PARD3B: variants seen among roughly 807,000 people sequenced by gnomAD.
PARD3B encodes par-3 family cell polarity regulator beta.
In PARD3B, 103 loss-of-function variants were observed where a neutral mutation model predicts 130.2. The observed-to-expected ratio is 0.79, with a 90% confidence interval of 0.67 to 0.93. The LOEUF (loss-of-function observed/expected upper bound fraction) is 0.93, where lower values mean the gene tolerates loss of function less well. Ranked by LOEUF, PARD3B falls within the 40% of genes least tolerant of loss-of-function variation. PARD3B has a pLI of 0.00. For missense variants in PARD3B, 1,609 were observed against 1,499.2 expected (o/e 1.07, Z -1.21); for synonymous variants, 583 against 553.2 (o/e 1.05, Z -0.76).
chr2:204,990,440 C>G (rs939986926), intron 3 of PARD3B, among the ~76,000 whole-genome samples: 3 of 152,020 alleles, frequency 2.0e-5, no homozygotes, highest in Non-Finnish European at 4.4e-5. Context: ...AAATATACAA[C>G]AAATTATTGT....
chr2:205,437,053 A>G (rs1380039760), intron 19 of PARD3B, among the ~76,000 whole-genome samples: 1 of 152,032 alleles, frequency 6.6e-6, no homozygotes, highest in East Asian at 1.9e-4. Flanking sequence ...ATTAAAGTTT[A>G]TTGACTGTAC....
chr2:205,307,985 A>G (rs1287815003), intron 18 of PARD3B, among the ~76,000 whole-genome samples: 1 of 152,196 alleles, frequency 6.6e-6, no homozygotes, highest in Non-Finnish European at 1.5e-5. Flanking sequence ...CCTTTTTACT[A>G]GACTAATGAA....
rs146242272 is a variant in PARD3B, at chr2:204,695,014, G to T, written c.222+8732G>T. On this transcript the variant is annotated intron_variant, in intron 2 of 22. Coordinates refer to ENST00000406610, the MANE Select transcript of PARD3B (RefSeq NM_001302769.2). ...AACCATAAGAAAATGTTTGATATGT[G>T]TGTAAAATTTTAAGTTTGGTTGGAG... 2.6e-3 allele frequency among the ~76,000 whole-genome samples: 398 copies of T among 152,120 alleles called. 3 individuals are homozygous for T. The highest frequency in any genetic ancestry group is 8.6e-3 in the African/African-American group (358 of 41,532).
chr2:204,793,886 C>A (rs544705922), intron 2 of PARD3B, among the ~76,000 whole-genome samples: 1 of 152,266 alleles, frequency 6.6e-6, no homozygotes, highest in South Asian at 2.1e-4. Flanking sequence ...TCTGAGACTG[C>A]AGTTTTTACT....
chr2:205,112,171 A>G lies in PARD3B; in HGVS notation c.594-1320A>G, dbSNP rs561649565. On this transcript the variant is annotated intron_variant, in intron 5 of 22. Transcript: ENST00000406610. ...CTGCTTGACTGAACAAGTTTTATAT[A>G]TATCAGCAATATCTGGGCAAAACTC... Among the ~76,000 whole-genome samples, 13 of 152,168 alleles carry G rather than the reference A, an allele frequency of 8.5e-5. No homozygotes were observed. The South Asian group carries it at 2.5e-3, about 29-fold the overall frequency.
At chr2:205,502,491 G>A (rs1418826358) in intron 21 of PARD3B, among the ~76,000 whole-genome samples, 1 of 152,086 alleles carries the variant, frequency 6.6e-6, no homozygotes, top group Non-Finnish European at 1.5e-5. Context: ...GAGTAAACAC[G>A]AAAGCGGTCC....
chr2:204,882,458 T>G (rs1023712173), intron 2 of PARD3B, among the ~76,000 whole-genome samples: 2 of 152,212 alleles, frequency 1.3e-5, no homozygotes, highest in Non-Finnish European at 2.9e-5. Context: ...CTGAATTGAT[T>G]TCTTTTATGG....
intron 18 of PARD3B, among the ~76,000 whole-genome samples, chr2:205,369,165 T>C (rs1329807899): frequency 2.0e-5 from 3 of 152,188 alleles, no homozygotes; most frequent in African/African-American, 4.8e-5. Context: ...CTATCTACTC[T>C]CAAGATTGTG....
chr2:204,797,097 C>G (rs1170296826), intron 2 of PARD3B, among the ~76,000 whole-genome samples: 1 of 150,346 alleles, frequency 6.7e-6, no homozygotes, highest in Non-Finnish European at 1.5e-5. Context: ...ATCGCTTGAA[C>G]CGAGGAGGTG....
intron 10 of PARD3B, among the ~76,000 whole-genome samples, chr2:205,134,687 T>C (rs1051691418): frequency 6.6e-6 from 1 of 152,188 alleles, no homozygotes; most frequent in Non-Finnish European, 1.5e-5. Context: ...TTAATAGTCA[T>C]TTGCTGCTCC....
rs2030851923 is a variant in PARD3B, at chr2:205,122,389, T to C, written c.1165+440T>C. On this transcript the variant is annotated intron_variant, in intron 8 of 22. Coordinates refer to ENST00000406610, the MANE Select transcript of PARD3B (RefSeq NM_001302769.2). The surrounding 1 kb of genome is among the most constrained non-coding windows in gnomAD (Gnocchi z 4.3). The stretch of plus-strand genomic sequence containing the variant: ...TACTCCTCAGAAAGCAAATATGTAA[T>C]GTTTACTAATTTCTCTGATTCAACG... Among the ~76,000 whole-genome samples, 1 of 152,222 alleles carries C rather than the reference T, an allele frequency of 6.6e-6. No homozygotes were observed. The highest frequency in any genetic ancestry group is 2.4e-5 in the African/African-American group (1 of 41,466).
chr2:205,329,200 T>A (rs1348157128), intron 18 of PARD3B, among the ~76,000 whole-genome samples: 1 of 152,212 alleles, frequency 6.6e-6, no homozygotes, highest in African/African-American at 2.4e-5. Context: ...TGTCACTGAC[T>A]ACCTTATATC....
Position 205,401,011 on chromosome 2 carries a change from A to G in PARD3B, c.2631-2A>G. ...ACAGCCTTCTCCTTCACGTTTCACT[A>G]GATTTGGAAAGAAGAAAGAGGATAA... On this transcript the variant is annotated splice_acceptor_variant, in intron 18 of 22. Coordinates refer to ENST00000406610, the MANE Select transcript of PARD3B (RefSeq NM_001302769.2). LOFTEE classifies it high-confidence loss of function. 1.3e-6 allele frequency: 2 copies of G among 1,586,554 alleles called. No individual in the cohort carries two copies. The highest frequency in any genetic ancestry group is 1.7e-6 in the Non-Finnish European group (2 of 1,163,854).
At chr2:204,978,001 A>G (rs1018793621) in intron 3 of PARD3B, among the ~76,000 whole-genome samples, 5 of 151,942 alleles carry the variant, frequency 3.3e-5, no homozygotes, top group African/African-American at 1.2e-4. Flanking sequence ...GCAGAGAGAG[A>G]ACAGAACAGA....
intron 2 of PARD3B, among the ~76,000 whole-genome samples, chr2:204,862,974 C>T (rs920692517): frequency 9.2e-5 from 14 of 152,184 alleles, no homozygotes; most frequent in African/African-American, 2.7e-4. Flanking sequence ...CTGCAAATGG[C>T]GCAAACCTCC....
intron 21 of PARD3B, among the ~76,000 whole-genome samples, chr2:205,541,673 C>G (rs1369411388): frequency 2.0e-5 from 3 of 150,576 alleles, no homozygotes; most frequent in Non-Finnish European, 4.4e-5. Context: ...ACTACTTTAT[C>G]CACCTGTTTT....
At chr2:205,552,917 C>T (rs774537920) in intron 21 of PARD3B, among the ~76,000 whole-genome samples, 14 of 151,856 alleles carry the variant, frequency 9.2e-5, no homozygotes, top group South Asian at 2.1e-4. Context: ...CGTTAGCTAG[C>T]GATAAGAGGG....
intron 22 of PARD3B, among the ~76,000 whole-genome samples, chr2:205,577,763 CA>C (rs1159070038): frequency 6.6e-6 from 1 of 152,104 alleles, no homozygotes; most frequent in Non-Finnish European, 1.5e-5. Flanking sequence ...CAAGAGTGTT[CA>C]AGTCTCCCTG....
rs5837982 is a variant in PARD3B, at chr2:205,574,855, TA to T, written c.3260+21470del. Reference sequence around the variant, plus strand: ...CTGCAATGGGGAAGTCACTGAGGAGTAAAAAAAAAAAAAAAAAAGAAAGAAA... The same window carrying T: ...CTGCAATGGGGAAGTCACTGAGGAGTAAAAAAAAAAAAAAAAAGAAAGAAA... On this transcript the variant is annotated intron_variant, in intron 22 of 22. Transcript: ENST00000406610. Among the ~76,000 whole-genome samples, 465 of 121,530 alleles carry T rather than the reference TA, an allele frequency of 3.8e-3. 1 individual carries two copies. Among genetic ancestry groups the T allele is most frequent in the African/African-American group, 0.011 (326 of 30,912 alleles). The allele number at this position is 121,530 out of a possible 152,430, so 79.7% of individuals were successfully genotyped here.
Sources: gnomAD v4.1 joint callset for allele counts (sites outside exome capture counted in the v4.1 genomes callset) on GRCh38, gnomAD v4.1.1 for gene constraint, Gnocchi (gnomAD v3.1) non-coding constraint, MANE v1.5 for transcripts, NCBI Gene and HGNC (gene_info 2026-07-23, HGNC 2026-07-21) for gene names.